The following NEK1 variants were observed in gnomAD, a reference collection of about 807,000 sequenced individuals.
The protein encoded by NEK1 is NIMA related kinase 1.
NEK1 carries 137 observed loss-of-function variants against 182.1 expected under a neutral mutation model. That is an observed-to-expected ratio of 0.75 (90% CI 0.65 to 0.87). The LOEUF (loss-of-function observed/expected upper bound fraction) is 0.87. Ranked by LOEUF, NEK1 falls within the 40% of genes least tolerant of loss-of-function variation. The probability of loss-of-function intolerance (pLI) is 0.00; values close to 1 mark genes in which losing one functional copy is unlikely to be tolerated. For missense variants in NEK1, 1,391 were observed against 1,494.4 expected (o/e 0.93, Z 1.14); for synonymous variants, 513 against 492.2 (o/e 1.04, Z -0.56).
chr4:169,544,347 T>C (rs543365186), intron 18 of NEK1, among the ~76,000 whole-genome samples: 1 of 152,192 alleles, frequency 6.6e-6, no homozygotes, highest in Non-Finnish European at 1.5e-5. Context: ...AGCTTTTTGA[T>C]GTGCTGCTGG....
At chr4:169,576,387 T>C (rs1226998228) in intron 12 of NEK1, among the ~76,000 whole-genome samples, 1 of 152,334 alleles carries the variant, frequency 6.6e-6, no homozygotes, top group Middle Eastern at 3.4e-3. Flanking sequence ...TAATCCAAAA[T>C]GAAACAAGCT....
chr4:169,598,178 T>C (rs1769879850), intron 5 of NEK1, among the ~76,000 whole-genome samples: 1 of 152,132 alleles, frequency 6.6e-6, no homozygotes, highest in Non-Finnish European at 1.5e-5. Context: ...ACTTTAGAGT[T>C]AGAGGTGGGT....
chr4:169,410,301 T>C (rs1185212601), intron 31 of NEK1, among the ~76,000 whole-genome samples: 1 of 152,220 alleles, frequency 6.6e-6, no homozygotes, highest in East Asian at 1.9e-4. Context: ...AAATGTTTCC[T>C]TCAGTTTTTA....
At chr4:169,601,925 G>T (rs565215243) in intron 4 of NEK1, 83 bp downstream of exon 4, 6 of 943,758 alleles carry the variant, frequency 6.4e-6, no homozygotes, top group Non-Finnish European at 1.0e-5. Flanking sequence ...AGCAAAAATG[G>T]TATCTTTTTC....
chr4:169,579,957 C>T (rs556702501), intron 11 of NEK1, among the ~76,000 whole-genome samples: 21 of 152,226 alleles, frequency 1.4e-4, no homozygotes, highest in South Asian at 4.1e-4. Flanking sequence ...ATACCCTTCA[C>T]GTATTAAATA....
intron 24 of NEK1, among the ~76,000 whole-genome samples, chr4:169,477,808 G>A (rs1747249865): frequency 6.8e-6 from 1 of 147,200 alleles, no homozygotes; most frequent in Non-Finnish European, 1.5e-5. Flanking sequence ...CAGAAAATTA[G>A]AGGAAAAAGT....
At chr4:169,482,185 C>T (rs926430178) in intron 23 of NEK1, among the ~76,000 whole-genome samples, 4 of 152,196 alleles carry the variant, frequency 2.6e-5, no homozygotes, top group Admixed American at 2.0e-4. Flanking sequence ...GGGCCTTGCT[C>T]TGGATTAGGC....
rs1453987422 is a variant in NEK1, at chr4:169,477,343, C to G, written c.2215G>C (p.Glu739Gln). 1 of 1,569,430 alleles carries G rather than the reference C, an allele frequency of 6.4e-7. No individual in the cohort carries two copies. The highest frequency in any genetic ancestry group is 1.4e-5 in the African/African-American group (1 of 73,528). The stretch of plus-strand genomic sequence containing the variant: ...TTTTCATTTAATCTACGAAGTATTT[C>G]TCGCTTACTCTGAAAGTCACGACAT... The part of the protein sequence containing the change: ...KTNNAISSKR[E>Q]ILRRLNENLK... Residue 739 changes from glutamate to glutamine, a missense_variant, in exon 26 of 36, where the codon GAA becomes CAA. Transcript: ENST00000507142.
intron 18 of NEK1, among the ~76,000 whole-genome samples, chr4:169,553,720 A>G (rs1173256870): frequency 6.6e-6 from 1 of 152,222 alleles, no homozygotes; most frequent in Non-Finnish European, 1.5e-5. Context: ...ATCAAGAAAG[A>G]TATACAGATG....
chr4:169,483,691 CCT>C (rs1258593045), intron 23 of NEK1, among the ~76,000 whole-genome samples: 1 of 151,430 alleles, frequency 6.6e-6, no homozygotes, highest in African/African-American at 2.4e-5. Flanking sequence ...ATGGTGAAAC[CCT>C]CTCTCTACTA....
At chr4:169,394,597 T>A (rs1418068749) in intron 35 of NEK1, 74 bp from the exon 36 acceptor site, 1 of 885,738 alleles carries the variant, frequency 1.1e-6, no homozygotes, top group Non-Finnish European at 1.7e-6. Flanking sequence ...CCATTCTTGT[T>A]CATGCTAAAG....
At chr4:169,522,580 T>C (rs1400301805) in intron 19 of NEK1, among the ~76,000 whole-genome samples, 1 of 152,260 alleles carries the variant, frequency 6.6e-6, no homozygotes, top group African/African-American at 2.4e-5. Flanking sequence ...GATACTCTTC[T>C]GGTCTGATTC....
intron 27 of NEK1, among the ~76,000 whole-genome samples, chr4:169,450,250 ACT>A (rs1435140302): frequency 6.6e-6 from 1 of 152,138 alleles, no homozygotes. Flanking sequence ...GTTGGAAAAC[ACT>A]CTCCAGGATA....
chr4:169,549,056 C>T lies in NEK1; in HGVS notation c.1562+6664G>A, dbSNP rs996438311. ...TTGGCTACCTCGGTGTCTGCCCAAA[C>T]GGCAGCCCAGTTTTGTGCTGGAAAC... On this transcript the variant is annotated intron_variant, in intron 18 of 35. Transcript: ENST00000507142. Among the ~76,000 whole-genome samples the T allele has an allele frequency of 1.1e-4, 17 of 152,274 alleles. 1 individual carries two copies. The highest frequency in any genetic ancestry group is 6.2e-4 in the South Asian group (3 of 4,830).
chr4:169,611,245 T>C (rs867286045), intron 2 of NEK1, among the ~76,000 whole-genome samples: 3 of 152,194 alleles, frequency 2.0e-5, no homozygotes, highest in Non-Finnish European at 2.9e-5. Context: ...CTTTATTAAA[T>C]TCCTGACAGT....
chr4:169,419,491 T>C (rs1735107217), intron 31 of NEK1, among the ~76,000 whole-genome samples: 2 of 152,182 alleles, frequency 1.3e-5, no homozygotes. Context: ...TACTTTCCAA[T>C]TTCTGACTTC....
chr4:169,411,573 G>A (rs1376208250), intron 31 of NEK1, among the ~76,000 whole-genome samples: 2 of 152,104 alleles, frequency 1.3e-5, no homozygotes, highest in East Asian at 3.9e-4. Context: ...TGTTCCACCT[G>A]CCTCGGCCTC....
At chr4:169,400,378 T>C (rs1296095927) in intron 34 of NEK1, 21 bp from the exon 35 acceptor site, 1 of 1,458,652 alleles carries the variant, frequency 6.9e-7, no homozygotes, top group Non-Finnish European at 9.2e-7. Context: ...TTCCCAAATA[T>C]AAATTAATAT....
rs1730290555 is a variant in NEK1, at chr4:169,393,882, T to C, written c.*628A>G. The C allele has an allele frequency of 6.6e-6, 1 of 152,220 alleles. No individual in the cohort carries two copies. The highest frequency in any genetic ancestry group is 6.5e-5 in the Admixed American group (1 of 15,278). The allele number at this position is 152,220 out of a possible 1,614,324, so 9.4% of individuals were successfully genotyped here. A position where few individuals can be genotyped will look rare whatever the true frequency, so the allele number is the denominator to read the frequency against. The stretch of plus-strand genomic sequence containing the variant: ...ATGTCAAGAAATATAATTTTGCTAT[T>C]CTTTCATAATCAAATCTTTCAATGA... On this transcript the variant is annotated 3_prime_UTR_variant, in exon 36 of 36. Coordinates refer to ENST00000507142, the MANE Select transcript of NEK1 (RefSeq NM_001199397.3).
Sources: allele counts gnomAD v4.1 joint callset (sites outside exome capture counted in the v4.1 genomes callset), GRCh38; gene constraint gnomAD v4.1.1; transcripts MANE v1.5; gene names NCBI Gene and HGNC (gene_info 2026-07-23, HGNC 2026-07-21).